Variants in CAST observed in about 807,000 individuals in gnomAD.
The protein encoded by CAST is calpastatin, also known as MIR583 host.
In CAST, 76 loss-of-function variants were observed where a neutral mutation model predicts 119.6. The ratio of observed to expected loss-of-function variants is 0.64; its 90% CI spans 0.53 to 0.77. The LOEUF (loss-of-function observed/expected upper bound fraction) is 0.77, where lower values mean the gene tolerates loss of function less well. CAST is among the 30% of genes least tolerant of loss of function. The pLI, the probability that CAST is intolerant of heterozygous loss-of-function variation, is 0.00. For missense variants in CAST, 953 were observed against 946.5 expected (o/e 1.01, Z -0.09); for synonymous variants, 319 against 331.6 (o/e 0.96, Z 0.41).
At chr5:96,641,258 G>A (rs1202511061) in intron 1 of CAST, among the ~76,000 whole-genome samples, 1 of 151,898 alleles carries the variant, frequency 6.6e-6, no homozygotes, top group Non-Finnish European at 1.5e-5. Context: ...TTCTAATTTT[G>A]TCTAGTGATA....
At chr5:96,372,145 G>A in the CAST span, among the ~76,000 whole-genome samples, 1 of 152,334 alleles carries the variant, frequency 6.6e-6, no homozygotes, top group Non-Finnish European at 1.5e-5. Flanking sequence ...GTTCTCACAG[G>A]TAGTAAATAG....
intron 1 of CAST, among the ~76,000 whole-genome samples, chr5:96,617,544 CT>C (rs1239711800): frequency 6.6e-6 from 1 of 151,972 alleles, no homozygotes; most frequent in East Asian, 1.9e-4. Flanking sequence ...AATCCCGGCA[CT>C]TTGGGAGGCC....
chr5:96,507,184 G>A, the CAST span, among the ~76,000 whole-genome samples: 1 of 152,048 alleles, frequency 6.6e-6, no homozygotes, highest in African/African-American at 2.4e-5. Context: ...CTGAGACCTG[G>A]GGATGAGAAG....
At chr5:96,599,246 G>T (rs914897799) in intron 1 of CAST, among the ~76,000 whole-genome samples, 1 of 152,156 alleles carries the variant, frequency 6.6e-6, no homozygotes, top group African/African-American at 2.4e-5. Context: ...TAACTTAGGG[G>T]GTGAAAGAGA....
At chr5:96,741,696 G>A in intron 15 of CAST, 116 bp downstream of exon 15, 1 of 686,596 alleles carries the variant, frequency 1.5e-6, no homozygotes. Context: ...TCCCTCTCAG[G>A]TCTATGTGGA....
the CAST span, among the ~76,000 whole-genome samples, chr5:96,494,101 A>G: frequency 6.6e-6 from 1 of 152,200 alleles, no homozygotes; most frequent in Non-Finnish European, 1.5e-5. Flanking sequence ...ATGGAGGTAA[A>G]GGACAGAGAA....
At chr5:96,090,397 G>C in the CAST span, among the ~76,000 whole-genome samples, 1 of 152,220 alleles carries the variant, frequency 6.6e-6, no homozygotes, top group Non-Finnish European at 1.5e-5. Context: ...TGTTAGAGCA[G>C]GTGGGGCCAT....
At chr5:96,545,054 A>G (rs1403782874) in intron 1 of CAST, among the ~76,000 whole-genome samples, 1 of 152,166 alleles carries the variant, frequency 6.6e-6, no homozygotes, top group Non-Finnish European at 1.5e-5. Flanking sequence ...TCTCCAAGAA[A>G]ATACACCTTG....
At chr5:96,548,745 T>C (rs1352281991) in intron 1 of CAST, among the ~76,000 whole-genome samples, 1 of 152,206 alleles carries the variant, frequency 6.6e-6, no homozygotes, top group Non-Finnish European at 1.5e-5. Context: ...GGGAGCATCT[T>C]CTGGGTAGAG....
the CAST span, among the ~76,000 whole-genome samples, chr5:96,424,211 A>T: frequency 6.6e-6 from 1 of 152,156 alleles, no homozygotes; most frequent in Non-Finnish European, 1.5e-5. Context: ...AATAACCACA[A>T]TCAAAAGTGT....
rs183040107 is a variant in CAST, at chr5:96,722,161, T to C, written c.211-478T>C. ...CAAATAGATGTTACTGTACTTTGTA[T>C]GTAAATGGACCTGGAAGACAAAGCT... On this transcript the variant is annotated intron_variant, in intron 3 of 31. Transcript: ENST00000675179. Among the ~76,000 whole-genome samples the C allele has an allele frequency of 2.7e-3, 416 of 152,332 alleles. 1 individual carries two copies. In the Middle Eastern group the frequency reaches 0.034, roughly 12 times the overall value.
chr5:96,729,588 G>T (rs764339476), intron 7 of CAST, 24 bp from the exon 8 acceptor site: 1 of 890,904 alleles, frequency 1.1e-6, no homozygotes, highest in East Asian at 2.4e-5. Flanking sequence ...ATATGTGTGT[G>T]GGCACCTGTG....
chr5:96,376,997 TTAAG>T, the CAST span, among the ~76,000 whole-genome samples: 2 of 151,944 alleles, frequency 1.3e-5, no homozygotes, highest in African/African-American at 2.4e-5. Flanking sequence ...GTACTATTTT[TTAAG>T]AAGAAAATTA....
chr5:96,319,745 C>T, the CAST span, among the ~76,000 whole-genome samples: 31 of 152,112 alleles, frequency 2.0e-4, no homozygotes, highest in Admixed American at 1.8e-3. Flanking sequence ...TGATAGAAAA[C>T]GGAATCACTA....
At position 96,770,595 on chromosome 5, in the gene CAST, C is replaced by T. The variant is rs1457527181; in HGVS notation, c.2333C>T (p.Ser778Leu). ...AAGAATGGAGGTAAAGCGAAGGATT[C>T]AGCAAAGGTAAATGGAGCAGTAAAT... Reference protein sequence around the residue: ...APKNGGKAKDSAKTTEETSKP... With the variant: ...APKNGGKAKDLAKTTEETSKP... Residue 778 changes from serine (S) to leucine (L), a missense_variant, in exon 30 of 32, where the codon TCA becomes TTA. Ser to Leu is a moderately radical substitution (Grantham distance 145, BLOSUM62 -2). Transcript: ENST00000675179. The T allele has an allele frequency of 1.2e-6, 2 of 1,609,410 alleles. No homozygotes were observed. Among genetic ancestry groups the T allele is most frequent in the Non-Finnish European group, 1.7e-6 (2 of 1,176,020 alleles).
At chr5:96,090,183 A>G in the CAST span, among the ~76,000 whole-genome samples, 1 of 152,188 alleles carries the variant, frequency 6.6e-6, no homozygotes, top group African/African-American at 2.4e-5. Flanking sequence ...TCAGGTTGTT[A>G]TGTTGGTGGG....
chr5:96,619,891 T>C (rs1302529483), intron 1 of CAST, among the ~76,000 whole-genome samples: 1 of 152,240 alleles, frequency 6.6e-6, no homozygotes, highest in Non-Finnish European at 1.5e-5. Flanking sequence ...GTTACCTGAC[T>C]TGAATTGGGT....
chr5:96,727,483 A>G lies in CAST; in HGVS notation c.337-6A>G. Reference sequence around the variant, plus strand: ...CCTTTTTTTCTTTCTTTTTTTCTGAACTTAGGCTGTAAAAACAGAACCTGA... The same window carrying G: ...CCTTTTTTTCTTTCTTTTTTTCTGAGCTTAGGCTGTAAAAACAGAACCTGA... On this transcript the variant is annotated splice_polypyrimidine_tract_variant and splice_region_variant and intron_variant, in intron 5 of 31. Transcript: ENST00000675179. The G allele has an allele frequency of 6.6e-7, 1 of 1,523,186 alleles. No homozygotes were observed. The highest frequency in any genetic ancestry group is 9.0e-7 in the Non-Finnish European group (1 of 1,113,494). The allele number at this position is 1,523,186 out of a possible 1,614,324, so 94.4% of individuals were successfully genotyped here. A position where few individuals can be genotyped will look rare whatever the true frequency, so the allele number is the denominator to read the frequency against.
chr5:96,482,976 C>T, the CAST span, among the ~76,000 whole-genome samples: 3 of 152,172 alleles, frequency 2.0e-5, no homozygotes, highest in Admixed American at 1.3e-4. Context: ...CACTTCTGAG[C>T]TCTTGGCTCA....
Sources: allele counts gnomAD v4.1 joint callset (sites outside exome capture counted in the v4.1 genomes callset), GRCh38; gene constraint gnomAD v4.1.1; transcripts MANE v1.5; gene names NCBI Gene and HGNC (gene_info 2026-07-23, HGNC 2026-07-21).